The following UNC5C variants were observed in gnomAD, a reference collection of about 807,000 sequenced individuals.
UNC5C encodes the protein netrin receptor UNC5C.
In UNC5C, 47 loss-of-function variants were observed where a neutral mutation model predicts 99.8. That is an observed-to-expected ratio of 0.47 (90% CI 0.37 to 0.60). UNC5C has a LOEUF of 0.60. Among genes scored for constraint, UNC5C ranks in the 20% least tolerant of loss-of-function variants. UNC5C has a pLI of 0.00. For synonymous variants in UNC5C, 487 were observed against 452.2 expected (o/e 1.08, Z -0.98); for missense variants, 1,062 against 1,165.9 (o/e 0.91, Z 1.30).
At chr4:95,231,975 A>G (rs1738928151) in intron 7 of UNC5C, among the ~76,000 whole-genome samples, 1 of 152,188 alleles carries the variant, frequency 6.6e-6, no homozygotes, top group Non-Finnish European at 1.5e-5. Flanking sequence ...GCTGAGGACA[A>G]TGGCCACACC....
chr4:95,297,441 A>C (rs1434896547), intron 3 of UNC5C, among the ~76,000 whole-genome samples: 1 of 152,226 alleles, frequency 6.6e-6, no homozygotes, highest in Non-Finnish European at 1.5e-5. Context: ...TAATTCAAGA[A>C]AATTGTTAAA....
intron 1 of UNC5C, among the ~76,000 whole-genome samples, chr4:95,364,191 T>C (rs1457681205): frequency 2.0e-5 from 3 of 152,148 alleles, no homozygotes; most frequent in Non-Finnish European, 2.9e-5. Context: ...GTAGCTGAGC[T>C]GGCAAAATAC....
At chr4:95,246,707 G>C (rs754084471) in intron 5 of UNC5C, among the ~76,000 whole-genome samples, 2 of 151,654 alleles carry the variant, frequency 1.3e-5, no homozygotes, top group Non-Finnish European at 2.9e-5. Context: ...AATTATAAAA[G>C]ATGTATAATA....
In UNC5C at chr4:95,301,647, G is replaced by C; in HGVS notation, c.449C>G (p.Ala150Gly). The C allele has an allele frequency of 6.2e-7, 1 of 1,613,870 alleles. No homozygotes were observed. Among genetic ancestry groups the C allele is most frequent in the Admixed American group, 1.7e-5 (1 of 60,014 alleles). The change falls in exon 3 of 16, where the codon GCG (alanine) becomes GGG (glycine). Residue 150 changes from alanine (A) to glycine (G), a missense_variant. Ala to Gly is a moderately conservative substitution (Grantham distance 60, BLOSUM62 0). Around this residue, in one of 3 missense-constraint regions of UNC5C, gnomAD observed 249 missense variants for 295.1 expected, o/e 0.84. Coordinates refer to ENST00000453304, the MANE Select transcript of UNC5C (RefSeq NM_003728.4). ...CGCCTTCCGGCTCTTTGTGGTACCC[G>C]CGGAGCTCCAGGCCACACACTGGCA... ...YWCQCVAWSS[A>G]GTTKSRKAYV...
At chr4:95,501,445 T>G (rs564059526) in intron 1 of UNC5C, among the ~76,000 whole-genome samples, 1 of 152,256 alleles carries the variant, frequency 6.6e-6, no homozygotes, top group African/African-American at 2.4e-5. Context: ...ACAATGTCCA[T>G]TTGCAACATA....
intron 4 of UNC5C, among the ~76,000 whole-genome samples, chr4:95,277,962 ACCAT>A (rs1219463733): frequency 6.6e-6 from 1 of 152,232 alleles, no homozygotes; most frequent in Non-Finnish European, 1.5e-5. Context: ...GTTAAGTCAT[ACCAT>A]CTCTCTATGA....
chr4:95,375,742 C>T (rs573586848), intron 1 of UNC5C, among the ~76,000 whole-genome samples: 17 of 152,254 alleles, frequency 1.1e-4, no homozygotes, highest in African/African-American at 4.1e-4. Context: ...CATTATTTAG[C>T]ATTATTGTGG....
chr4:95,448,116 C>G (rs1042932711), intron 1 of UNC5C, among the ~76,000 whole-genome samples: 2 of 151,978 alleles, frequency 1.3e-5, no homozygotes, highest in African/African-American at 4.8e-5. Context: ...TAGTCTCACC[C>G]TGATATGTCA....
chr4:95,482,776 G>A lies in UNC5C; in HGVS notation c.124+65958C>T, dbSNP rs1427746494. Among the ~76,000 whole-genome samples the A allele has an allele frequency of 4.2e-5, 5 of 119,886 alleles. 1 individual carries two copies. The South Asian group carries it at 1.1e-3, about 25-fold the overall frequency. 78.6% of individuals were successfully genotyped at this position (119,886 alleles called of 152,430 possible). A position where few individuals can be genotyped will look rare whatever the true frequency, so the allele number is the denominator to read the frequency against. The stretch of plus-strand genomic sequence containing the variant: ...TCGCAAGGACAAAAAACCAAACACC[G>A]CGTGTTCTCACTCATAGATGGGAAT... On this transcript the variant is annotated intron_variant, in intron 1 of 15. Transcript: ENST00000453304.
chr4:95,314,243 G>C (rs568272807), intron 2 of UNC5C, among the ~76,000 whole-genome samples: 1 of 152,268 alleles, frequency 6.6e-6, no homozygotes, highest in Admixed American at 6.5e-5. Context: ...TCTGAGTGAA[G>C]ATTTCAGTTG....
rs768174511 is a variant in UNC5C at position 95,362,239 on chromosome 4, C to A, written c.125-26608G>T. ...AGGCCACGTGGTTCGGTTTCCCACTCGCTTCCCCTCCTGCCCATCGGAGCG... is the reference window on the plus strand; with the variant it reads ...AGGCCACGTGGTTCGGTTTCCCACTAGCTTCCCCTCCTGCCCATCGGAGCG... On this transcript the variant is annotated intron_variant, in intron 1 of 15. Coordinates refer to ENST00000453304, the MANE Select transcript of UNC5C (RefSeq NM_003728.4). Among the ~76,000 whole-genome samples, 12 of 152,250 alleles carry A rather than the reference C, an allele frequency of 7.9e-5. No individual in the cohort carries two copies. The East Asian group carries it at 2.1e-3, about 27-fold the overall frequency.
rs115566659 is a variant in UNC5C, at chr4:95,390,069, G to A, written c.125-54438C>T. Among the ~76,000 whole-genome samples the A allele has an allele frequency of 3.3e-5, 5 of 151,988 alleles. No homozygotes were observed. In the South Asian group the frequency reaches 8.3e-4, roughly 25 times the overall value. On this transcript the variant is annotated intron_variant, in intron 1 of 15. Coordinates refer to ENST00000453304, the MANE Select transcript of UNC5C (RefSeq NM_003728.4). ...ACTCACTGAAATGACATTATTTTTC[G>A]ATCATAATCTCCATTCTAGTTGCTA...
At chr4:95,216,403 C>T (rs1553954288) in intron 9 of UNC5C, among the ~76,000 whole-genome samples, 192 bp from the exon 10 acceptor site, 1 of 151,052 alleles carries the variant, frequency 6.6e-6, no homozygotes, top group Non-Finnish European at 1.5e-5. Context: ...TATGCAATTA[C>T]TTAAAGGAAT....
intron 14 of UNC5C, among the ~76,000 whole-genome samples, chr4:95,178,539 A>G (rs1282752343): frequency 6.6e-6 from 1 of 152,238 alleles, no homozygotes; most frequent in Non-Finnish European, 1.5e-5. Context: ...ACACACAAGA[A>G]GCTACTCAAT....
intron 1 of UNC5C, among the ~76,000 whole-genome samples, chr4:95,546,164 C>G (rs566822788): frequency 6.6e-6 from 1 of 152,310 alleles, no homozygotes; most frequent in East Asian, 1.9e-4. Context: ...GTTAATTGCT[C>G]TTGGACTTTC....
At chr4:95,400,638 G>A (rs919470941) in intron 1 of UNC5C, among the ~76,000 whole-genome samples, 2 of 152,024 alleles carry the variant, frequency 1.3e-5, no homozygotes, top group Non-Finnish European at 2.9e-5. Context: ...GGATCCACTC[G>A]CCTCGGTCTC....
intron 4 of UNC5C, among the ~76,000 whole-genome samples, chr4:95,265,136 GGTT>G: frequency 6.6e-6 from 1 of 152,228 alleles, no homozygotes; most frequent in East Asian, 1.9e-4. Flanking sequence ...TGTGCAGCCA[GGTT>G]TGAGAATGAG....
intron 1 of UNC5C, among the ~76,000 whole-genome samples, chr4:95,481,533 A>C (rs1721154793): frequency 6.6e-6 from 1 of 152,058 alleles, no homozygotes; most frequent in African/African-American, 2.4e-5. Flanking sequence ...TGGAACCAAA[A>C]AAGAGCCCAC....
At chr4:95,394,257 C>CA (rs11441712) in intron 1 of UNC5C, among the ~76,000 whole-genome samples, 9,882 of 132,386 alleles carry the variant, frequency 0.075, 670 homozygotes, top group African/African-American at 0.18. Flanking sequence ...TAGTAATTTA[C>CA]AAAAAAAAAA....
Sources: gnomAD v4.1 joint callset for allele counts (sites outside exome capture counted in the v4.1 genomes callset) on GRCh38, gnomAD v4.1.1 for gene constraint, gnomAD v4.1.1 regional missense constraint, MANE v1.5 for transcripts, NCBI Gene and HGNC (gene_info 2026-07-23, HGNC 2026-07-21) for gene names.